RSPH14: variants seen among roughly 807,000 people sequenced by gnomAD.
RSPH14 encodes the protein rhabdoid tumor deletion region gene 1.
In RSPH14, 20 loss-of-function variants were observed where a neutral mutation model predicts 26.7. That is an observed-to-expected ratio of 0.75 (90% CI 0.53 to 1.09). The LOEUF (loss-of-function observed/expected upper bound fraction) is 1.09, where lower values mean the gene tolerates loss of function less well. Among genes scored for constraint, RSPH14 ranks in the 50% least tolerant of loss-of-function variants. The pLI is 0.00. For missense variants in RSPH14, 449 were observed against 457.2 expected (o/e 0.98, Z 0.16); for synonymous variants, 177 against 189.3 (o/e 0.93, Z 0.53).
the RSPH14 span, among the ~76,000 whole-genome samples, chr22:23,175,140 C>A: frequency 6.6e-6 from 1 of 151,252 alleles, no homozygotes; most frequent in Non-Finnish European, 1.5e-5. Context: ...GGACTACAGA[C>A]GCCCACCACC....
At chr22:23,086,219 G>C (rs1192383711) in intron 4 of RSPH14, among the ~76,000 whole-genome samples, 4 of 152,364 alleles carry the variant, frequency 2.6e-5, no homozygotes, top group East Asian at 3.8e-4. Context: ...GGCCAGGTTA[G>C]GCAGGCTGCA....
At chr22:23,134,180 A>T in intron 3 of RSPH14, 36 bp from the exon 4 acceptor site, 1 of 1,506,810 alleles carries the variant, frequency 6.6e-7, no homozygotes, top group Non-Finnish European at 9.1e-7. Flanking sequence ...CATAAGTGAG[A>T]CCATGCCCTG....
chr22:23,096,263 TTCACCTTCAAGGAGC>T, intron 4 of RSPH14: 1 of 1,614,008 alleles, frequency 6.2e-7, no homozygotes, highest in Non-Finnish European at 8.5e-7. Flanking sequence ...GGAGAACAAG[TTCACCTTCAAGGAGC>T]TCACCTTCAA....
At chr22:23,102,347 C>G (rs2069327710) in intron 4 of RSPH14, among the ~76,000 whole-genome samples, 1 of 152,190 alleles carries the variant, frequency 6.6e-6, no homozygotes, top group Non-Finnish European at 1.5e-5. Context: ...TGTCCTGGCA[C>G]CTATTTGAGG....
chr22:23,146,999 A>G (rs922087042), upstream of RSPH14, among the ~76,000 whole-genome samples: 2 of 152,226 alleles, frequency 1.3e-5, no homozygotes, highest in Admixed American at 1.3e-4. Context: ...TCAACCTCTC[A>G]GAGCCACTGT....
At chr22:23,170,478 G>A in the RSPH14 span, among the ~76,000 whole-genome samples, 1 of 152,108 alleles carries the variant, frequency 6.6e-6, no homozygotes, top group Non-Finnish European at 1.5e-5. Context: ...GCCAGGCACA[G>A]TGGCTCACAC....
rs565955730 is a variant in RSPH14, at chr22:23,123,389, C to T, written c.421+10637G>A. 71 of 1,613,878 alleles carry T rather than the reference C, an allele frequency of 4.4e-5. No homozygotes were observed. The East Asian group carries it at 6.5e-4, about 15-fold the overall frequency. On this transcript the variant is annotated intron_variant, in intron 4 of 6. Transcript: ENST00000216036. ...AGTTTGTCTTCGACGCGGTGACAGA[C>T]GTCATCATACAGAACAATCTCAAGT...
chr22:23,087,983 G>A (rs1217929943), intron 4 of RSPH14, among the ~76,000 whole-genome samples: 1 of 152,234 alleles, frequency 6.6e-6, no homozygotes, highest in Non-Finnish European at 1.5e-5. Context: ...AGGCAAGAAG[G>A]AGGTCTGCTT....
chr22:23,067,516 G>A (rs2068238711), intron 4 of RSPH14, among the ~76,000 whole-genome samples: 1 of 152,228 alleles, frequency 6.6e-6, no homozygotes, highest in Admixed American at 6.5e-5. Context: ...AGCCTTGCAT[G>A]GCCCTGTGCC....
At chr22:23,120,733 GC>G (rs924431797) in intron 4 of RSPH14, among the ~76,000 whole-genome samples, 2 of 151,908 alleles carry the variant, frequency 1.3e-5, no homozygotes, top group Non-Finnish European at 2.9e-5. Context: ...CCCGGAGGAA[GC>G]CCCCTACCCC....
At chr22:23,118,258 C>T (rs1323833763) in intron 4 of RSPH14, among the ~76,000 whole-genome samples, 3 of 152,232 alleles carry the variant, frequency 2.0e-5, no homozygotes, top group Non-Finnish European at 4.4e-5. Flanking sequence ...CATTCCCCGA[C>T]GCCAAGCAGT....
At chr22:23,120,980 G>T (rs534012251) in intron 4 of RSPH14, among the ~76,000 whole-genome samples, 1 of 152,340 alleles carries the variant, frequency 6.6e-6, no homozygotes, top group East Asian at 1.9e-4. Context: ...TGACAGCTCT[G>T]TTACCACAGT....
chr22:23,081,689 G>A (rs990773791), intron 4 of RSPH14, among the ~76,000 whole-genome samples: 6 of 152,066 alleles, frequency 3.9e-5, no homozygotes, highest in Admixed American at 3.9e-4. Context: ...AGCCATGGTG[G>A]TGGACACCTG....
the RSPH14 span, chr22:23,153,617 C>G: frequency 3.0e-6 from 3 of 984,608 alleles, no homozygotes; most frequent in African/African-American, 5.2e-5. Flanking sequence ...TTCCTCAGGT[C>G]TGAGGCACTC....
the RSPH14 span, among the ~76,000 whole-genome samples, chr22:23,160,507 G>A: frequency 6.6e-6 from 1 of 152,270 alleles, no homozygotes; most frequent in African/African-American, 2.4e-5. Flanking sequence ...GAAAGTGACA[G>A]GAGGGCAGGC....
In RSPH14 at chr22:23,138,959, A is replaced by AAC; in HGVS notation, c.200-18_200-17insGT. 1 of 1,524,988 alleles carries AAC rather than the reference A, an allele frequency of 6.6e-7. No homozygotes were observed. The highest frequency in any genetic ancestry group is 2.5e-5 in the East Asian group (1 of 40,784). 94.5% of individuals were successfully genotyped at this position (1,524,988 alleles called of 1,614,324 possible). A position where few individuals can be genotyped will look rare whatever the true frequency, so the allele number is the denominator to read the frequency against. On this transcript the variant is annotated splice_polypyrimidine_tract_variant and intron_variant, in intron 2 of 6. Transcript: ENST00000216036. ...CCATACAGCCTAGAAAAAAAAAAAA[A>AAC]AACAAACAAACCAACCCTTGAATTT...
intron 4 of RSPH14, among the ~76,000 whole-genome samples, chr22:23,109,267 G>C (rs2069575001): frequency 6.6e-6 from 1 of 152,108 alleles, no homozygotes; most frequent in Non-Finnish European, 1.5e-5. Flanking sequence ...CAGAGCCGAG[G>C]GCAGCCCCAC....
intron 4 of RSPH14, chr22:23,095,650 G>A (rs1178097179): frequency 1.9e-6 from 3 of 1,552,904 alleles, no homozygotes; most frequent in Non-Finnish European, 1.7e-6. Context: ...AAGAGGGAGA[G>A]GTGCCCCATC....
chr22:23,144,092 C>CAAAAA (rs35499128), upstream of RSPH14, among the ~76,000 whole-genome samples: 5 of 24,178 alleles, frequency 2.1e-4, no homozygotes, highest in Non-Finnish European at 3.7e-4. Context: ...GACTCCATCT[C>CAAAAA]AAAAAAAAAA....
Sources: allele counts gnomAD v4.1 joint callset (sites outside exome capture counted in the v4.1 genomes callset), GRCh38; gene constraint gnomAD v4.1.1; transcripts MANE v1.5; gene names NCBI Gene and HGNC (gene_info 2026-07-23, HGNC 2026-07-21).